Variants in TMEM260 observed in about 807,000 individuals in gnomAD.
The protein encoded by TMEM260 is transmembrane protein 260.
TMEM260 carries 82 observed loss-of-function variants against 88.9 expected under a neutral mutation model. The ratio of observed to expected loss-of-function variants is 0.92; its 90% CI spans 0.77 to 1.11. The LOEUF (loss-of-function observed/expected upper bound fraction) is 1.11. Ranked by LOEUF, TMEM260 falls within the 50% of genes least tolerant of loss-of-function variation. TMEM260 has a pLI of 0.00. For missense variants in TMEM260, 902 were observed against 853.4 expected, an observed-to-expected ratio of 1.06 and a Z score of -0.71; for synonymous variants, 314 against 309.3, an observed-to-expected ratio of 1.02 and a Z score of -0.16.
Position 56,580,050 on chromosome 14 carries a change from C to G in TMEM260, c.136C>G (p.Pro46Ala), listed in dbSNP as rs201059587. The G allele has an allele frequency of 8.0e-6, 10 of 1,251,934 alleles. No individual in the cohort carries two copies. The highest frequency in any genetic ancestry group is 4.6e-5 in the African/African-American group (3 of 64,872). 77.6% of individuals were successfully genotyped at this position (1,251,934 alleles called of 1,614,324 possible). A position where few individuals can be genotyped will look rare whatever the true frequency, so the allele number is the denominator to read the frequency against. Residue 46 changes from proline to alanine, a missense_variant, in exon 1 of 16, where the codon CCT (proline) becomes GCT (alanine). Physicochemically the swap from Pro to Ala is conservative, Grantham distance 27. Transcript: ENST00000261556. The stretch of plus-strand genomic sequence containing the variant: ...CGCAGTGTTCACCTTCACCCTGCCC[C>G]CTTCGGTACCGGGGGGAGACTCCGG... ...VAAVFTFTLP[P>A]SVPGGDSGEL...
At chr14:56,584,942 A>G (rs1045417829) in intron 1 of TMEM260, 59 bp from the exon 2 acceptor site, 17 of 1,468,184 alleles carry the variant, frequency 1.2e-5, no homozygotes, top group Admixed American at 3.8e-5. Flanking sequence ...GATTTTGAAA[A>G]CTTTGGAGGA....
chr14:56,630,443 G>T (rs749072297), intron 12 of TMEM260, among the ~76,000 whole-genome samples: 1 of 151,354 alleles, frequency 6.6e-6, no homozygotes, highest in Non-Finnish European at 1.5e-5. Flanking sequence ...TTTTTTTTCA[G>T]TGTTTTTCTT....
intron 5 of TMEM260, 121 bp downstream of exon 5, chr14:56,605,804 C>A (rs924810513): frequency 1.7e-6 from 1 of 575,616 alleles, no homozygotes; most frequent in East Asian, 3.0e-5. Flanking sequence ...GCATAAATAA[C>A]CCTAGGGCCT....
chr14:56,644,946 A>G (rs560489049), intron 15 of TMEM260, among the ~76,000 whole-genome samples: 2 of 152,308 alleles, frequency 1.3e-5, no homozygotes, highest in South Asian at 4.1e-4. Flanking sequence ...ACAAGGAGAT[A>G]CCATCTCACA....
chr14:56,584,955 G>T (rs938706907), intron 1 of TMEM260, 46 bp from the exon 2 acceptor site: 3 of 1,565,814 alleles, frequency 1.9e-6, no homozygotes, highest in African/African-American at 1.4e-5. Flanking sequence ...TTGGAGGAGT[G>T]TCATTCTCTA....
intron 10 of TMEM260, among the ~76,000 whole-genome samples, chr14:56,619,004 A>G (rs1887751574): frequency 6.6e-6 from 1 of 152,142 alleles, no homozygotes; most frequent in Admixed American, 6.5e-5. Context: ...GACAATTTGT[A>G]TCTTTTTCTC....
chr14:56,651,103 C>A (rs749674630), downstream of TMEM260, among the ~76,000 whole-genome samples: 3 of 152,088 alleles, frequency 2.0e-5, no homozygotes, highest in Non-Finnish European at 4.4e-5. Flanking sequence ...CTGGGAACAT[C>A]TAAAGGCCAA....
chr14:56,592,842 G>C (rs2139518107), intron 3 of TMEM260, among the ~76,000 whole-genome samples: 1 of 152,288 alleles, frequency 6.6e-6, no homozygotes, highest in South Asian at 2.1e-4. Context: ...ACTCAGTATA[G>C]ACGTAGGGCA....
At chr14:56,638,782 TG>T (rs1242241966) in intron 15 of TMEM260, among the ~76,000 whole-genome samples, 1 of 152,104 alleles carries the variant, frequency 6.6e-6, no homozygotes, top group African/African-American at 2.4e-5. Flanking sequence ...TAAGTTCAGG[TG>T]ACATCAGGGA....
chr14:56,626,566 T>C (rs1171183468), intron 12 of TMEM260, among the ~76,000 whole-genome samples: 1 of 152,178 alleles, frequency 6.6e-6, no homozygotes, highest in Admixed American at 6.5e-5. Context: ...GTGGGATAAG[T>C]TCTATACTAT....
At chr14:56,632,974 G>T (rs1888730305) in intron 12 of TMEM260, 21 bp from the exon 13 acceptor site, 3 of 1,600,154 alleles carry the variant, frequency 1.9e-6, no homozygotes, top group South Asian at 1.1e-5. Context: ...AGTACATCAT[G>T]TATTTTTCTG....
intron 14 of TMEM260, among the ~76,000 whole-genome samples, chr14:56,635,161 A>G (rs1307589026): frequency 6.6e-6 from 1 of 152,176 alleles, no homozygotes; most frequent in Non-Finnish European, 1.5e-5. Context: ...TTTGATCCCC[A>G]TTTTATAAAA....
At chr14:56,641,298 C>G (rs1367133095) in intron 15 of TMEM260, among the ~76,000 whole-genome samples, 10 of 152,158 alleles carry the variant, frequency 6.6e-5, no homozygotes, top group Non-Finnish European at 1.5e-5. Context: ...GGAAGCCCAT[C>G]AGACTAACAG....
intron 1 of TMEM260, among the ~76,000 whole-genome samples, chr14:56,582,652 G>A (rs909558874): frequency 3.3e-5 from 5 of 152,186 alleles, no homozygotes; most frequent in Admixed American, 3.3e-4. Flanking sequence ...GAATTTGGAG[G>A]TGTGGGCAAG....
At chr14:56,645,352 A>C (rs569669480) in intron 15 of TMEM260, among the ~76,000 whole-genome samples, 1 of 152,204 alleles carries the variant, frequency 6.6e-6, no homozygotes, top group Non-Finnish European at 1.5e-5. Flanking sequence ...AGGGACATGG[A>C]TGAAGCTGGA....
chr14:56,658,580 A>C, the TMEM260 span, among the ~76,000 whole-genome samples: 1 of 152,018 alleles, frequency 6.6e-6, no homozygotes, highest in Non-Finnish European at 1.5e-5. Flanking sequence ...AAATTGAGAG[A>C]CTGTCTACAA....
intron 15 of TMEM260, among the ~76,000 whole-genome samples, chr14:56,646,364 C>T (rs1047038044): frequency 3.3e-5 from 5 of 152,196 alleles, no homozygotes; most frequent in Admixed American, 3.3e-4. Flanking sequence ...TATTGTTTTT[C>T]TGTGCACTCA....
At chr14:56,633,205 A>C in intron 13 of TMEM260, 34 bp downstream of exon 13, 13 of 1,536,802 alleles carry the variant, frequency 8.5e-6, no homozygotes, top group Non-Finnish European at 1.1e-5. Flanking sequence ...ATGCATATAA[A>C]CATAGCAGTT....
intron 5 of TMEM260, among the ~76,000 whole-genome samples, chr14:56,607,325 C>T (rs1224538338): frequency 6.6e-6 from 1 of 152,178 alleles, no homozygotes; most frequent in African/African-American, 2.4e-5. Flanking sequence ...CATATACTTT[C>T]TGTAAAACAT....
Sources: gnomAD v4.1 joint callset for allele counts (sites outside exome capture counted in the v4.1 genomes callset) on GRCh38, gnomAD v4.1.1 for gene constraint, MANE v1.5 for transcripts, NCBI Gene and HGNC (gene_info 2026-07-23, HGNC 2026-07-21) for gene names.